GFRA1: variants seen among roughly 807,000 people sequenced by gnomAD.
The protein encoded by GFRA1 is GDNF family receptor alpha 1.
GFRA1 carries 16 observed loss-of-function variants against 51.6 expected under a neutral mutation model. The ratio of observed to expected loss-of-function variants is 0.31; its 90% CI spans 0.21 to 0.47. GFRA1 has a LOEUF of 0.47. Among genes scored for constraint, GFRA1 ranks in the 20% least tolerant of loss-of-function variants. The pLI, the probability that GFRA1 is intolerant of heterozygous loss-of-function variation, is 1.00. For synonymous variants in GFRA1, 270 were observed against 241.3 expected, an observed-to-expected ratio of 1.12 and a Z score of -1.10; for missense variants, 530 against 594.3, an observed-to-expected ratio of 0.89 and a Z score of 1.13.
intron 5 of GFRA1, among the ~76,000 whole-genome samples, chr10:116,164,229 T>C (rs1197578468): frequency 1.3e-5 from 2 of 152,102 alleles, no homozygotes; most frequent in African/African-American, 4.8e-5. Context: ...TGTTTGAATG[T>C]TCTGTAAGAA....
chr10:116,217,422 T>C (rs1209156478), intron 4 of GFRA1, among the ~76,000 whole-genome samples: 2 of 152,258 alleles, frequency 1.3e-5, no homozygotes, highest in Non-Finnish European at 2.9e-5. Context: ...CAAATAATAT[T>C]TGTTCAATCC....
At position 116,240,531 on chromosome 10, in the gene GFRA1, A is replaced by G. The variant is rs115291933; in HGVS notation, c.419-28886T>C. On this transcript the variant is annotated intron_variant, in intron 4 of 10. Transcript: ENST00000355422. ...CCATTTCTCAAAAAACAAAGCATCT[A>G]AAGAGAAAATGAATCATTTTGAACT... Among the ~76,000 whole-genome samples the G allele has an allele frequency of 9.0e-3, 1,374 of 152,334 alleles. 14 individuals carry two copies. Among genetic ancestry groups the G allele is most frequent in the African/African-American group, 0.031 (1,280 of 41,580 alleles).
At chr10:116,077,894 C>T (rs1055973866) in intron 9 of GFRA1, among the ~76,000 whole-genome samples, 6 of 152,198 alleles carry the variant, frequency 3.9e-5, no homozygotes, top group Non-Finnish European at 7.3e-5. Flanking sequence ...AAAGTCTGCA[C>T]AAGCGACACT....
intron 5 of GFRA1, among the ~76,000 whole-genome samples, chr10:116,206,957 T>G (rs4636574): frequency 0.25 from 37,460 of 152,034 alleles, 4,815 homozygotes; most frequent in African/African-American, 0.3. Flanking sequence ...TTAACCTTAA[T>G]TCACCACCAT....
rs575165456 is a variant in GFRA1, at chr10:116,197,855, G to A, written c.433+13776C>T. The stretch of plus-strand genomic sequence containing the variant: ...AGCTACAGGCGGATTATTCCGGAGT[G>A]CTGAGGCATGCGTGGGCTTGGACAA... On this transcript the variant is annotated intron_variant, in intron 5 of 10. Coordinates refer to ENST00000355422, the MANE Select transcript of GFRA1 (RefSeq NM_005264.8). 2.6e-5 allele frequency among the ~76,000 whole-genome samples: 4 copies of A among 152,310 alleles called. No homozygotes were observed. The East Asian group carries it at 7.7e-4, about 29-fold the overall frequency.
intron 5 of GFRA1, among the ~76,000 whole-genome samples, chr10:116,176,708 C>T (rs1961638830): frequency 9.2e-6 from 1 of 108,486 alleles, no homozygotes; most frequent in African/African-American, 2.8e-5. Context: ...ACCCCTTTCT[C>T]CCTCCCTCCC....
intron 5 of GFRA1, among the ~76,000 whole-genome samples, chr10:116,196,925 T>C (rs1418657933): frequency 6.8e-6 from 1 of 147,446 alleles, no homozygotes; most frequent in Non-Finnish European, 1.5e-5. Context: ...AAGGTTTCTC[T>C]GAAGGTTCTA....
At chr10:116,185,447 G>A (rs192893463) in intron 5 of GFRA1, among the ~76,000 whole-genome samples, 19 of 152,222 alleles carry the variant, frequency 1.2e-4, no homozygotes, top group Admixed American at 9.8e-4. Context: ...GCTTCCATGC[G>A]TGTTGCTGCT....
intron 5 of GFRA1, among the ~76,000 whole-genome samples, chr10:116,130,602 C>T (rs1958065981): frequency 6.6e-6 from 1 of 152,068 alleles, no homozygotes; most frequent in African/African-American, 2.4e-5. Flanking sequence ...AAATATCCCA[C>T]ACATCTACAG....
chr10:116,070,282 G>C (rs950584431), intron 9 of GFRA1, among the ~76,000 whole-genome samples: 2 of 152,122 alleles, frequency 1.3e-5, no homozygotes, highest in African/African-American at 4.8e-5. Flanking sequence ...AATCAACTTT[G>C]CTCTCCAGCA....
chr10:116,143,396 A>C (rs551602620), intron 5 of GFRA1, among the ~76,000 whole-genome samples: 5 of 152,148 alleles, frequency 3.3e-5, no homozygotes, highest in East Asian at 3.9e-4. Context: ...GGTTTAAATA[A>C]AATTCCTTAG....
intron 4 of GFRA1, among the ~76,000 whole-genome samples, chr10:116,238,731 T>A (rs1223444858): frequency 1.3e-5 from 2 of 152,262 alleles, no homozygotes; most frequent in Non-Finnish European, 2.9e-5. Flanking sequence ...TATTACAGAT[T>A]TCTCCAAGAG....
chr10:116,196,321 C>G (rs1481552123), intron 5 of GFRA1, among the ~76,000 whole-genome samples: 1 of 150,706 alleles, frequency 6.6e-6, no homozygotes, highest in African/African-American at 2.4e-5. Context: ...AACCTCATCT[C>G]TACTAAAAAT....
chr10:116,093,947 A>G (rs981836719), intron 7 of GFRA1, 111 bp from the exon 8 acceptor site: 11 of 1,008,652 alleles, frequency 1.1e-5, no homozygotes, highest in Admixed American at 9.0e-5. Flanking sequence ...AATTACAGAC[A>G]TTGTATTTGC....
intron 4 of GFRA1, chr10:116,255,554 C>G: frequency 8.0e-7 from 1 of 1,248,336 alleles, no homozygotes; most frequent in Non-Finnish European, 1.0e-6. Flanking sequence ...CCACTCAACA[C>G]AGGACTAGCA....
chr10:116,081,442 G>A (rs1381790069), intron 9 of GFRA1, among the ~76,000 whole-genome samples: 1 of 152,220 alleles, frequency 6.6e-6, no homozygotes, highest in African/African-American at 2.4e-5. Context: ...GATGAAAAAT[G>A]TTACCCAGAA....
intron 5 of GFRA1, among the ~76,000 whole-genome samples, chr10:116,210,368 G>C (rs1565653401): frequency 6.6e-6 from 1 of 150,874 alleles, no homozygotes; most frequent in Non-Finnish European, 1.5e-5. Context: ...CTAGTTCACA[G>C]AAAAAAAAAT....
chr10:116,258,500 A>C (rs1047224938), intron 4 of GFRA1, among the ~76,000 whole-genome samples: 5 of 149,540 alleles, frequency 3.3e-5, no homozygotes, highest in Non-Finnish European at 7.4e-5. Context: ...TAATATATAT[A>C]TTATATGCAT....
chr10:116,229,170 TA>T (rs1295340310), intron 4 of GFRA1, among the ~76,000 whole-genome samples: 2 of 151,968 alleles, frequency 1.3e-5, no homozygotes, highest in Admixed American at 1.3e-4. Flanking sequence ...TTGTATTGGT[TA>T]AGCCACTACA....
Sources: allele counts gnomAD v4.1 joint callset (sites outside exome capture counted in the v4.1 genomes callset), GRCh38; gene constraint gnomAD v4.1.1; transcripts MANE v1.5; gene names NCBI Gene and HGNC (gene_info 2026-07-23, HGNC 2026-07-21).